The following ABCG1 variants were observed in gnomAD, a reference collection of about 807,000 sequenced individuals.
The protein encoded by ABCG1 is ATP binding cassette subfamily G member 1.
A neutral mutation model predicts 69.2 loss-of-function variants in ABCG1; 29 were observed. The ratio of observed to expected loss-of-function variants is 0.42; its 90% CI spans 0.31 to 0.57. ABCG1 has a LOEUF of 0.57. Ranked by LOEUF, ABCG1 falls within the 20% of genes least tolerant of loss-of-function variation. The pLI is 0.15. For synonymous variants in ABCG1, 370 were observed against 374.8 expected, an observed-to-expected ratio of 0.99 and a Z score of 0.15; for missense variants, 718 against 898.1, an observed-to-expected ratio of 0.80 and a Z score of 2.56.
chr21:42,291,370 G>C lies in ABCG1; in HGVS notation c.1495-128G>C. On this transcript the variant is annotated intron_variant, in intron 12 of 14. Transcript: ENST00000398449. The surrounding 1 kb of genome is among the most constrained non-coding windows in gnomAD (Gnocchi z 6.4). ...AGCTGTGGCGGGAGCTGTGGGGAGT[G>C]GGGAAGGACCCGACTTTGGGAGCTC... 1 of 1,340,888 alleles carries C rather than the reference G, an allele frequency of 7.5e-7. No homozygotes were observed. Among genetic ancestry groups the C allele is most frequent in the Non-Finnish European group, 1.0e-6 (1 of 971,794 alleles). The allele number at this position is 1,340,888 out of a possible 1,614,324, so 83.1% of individuals were successfully genotyped here.
chr21:42,256,472 G>C lies in ABCG1; in HGVS notation c.287-14598G>C. 5 of 1,549,964 alleles carry C rather than the reference G, an allele frequency of 3.2e-6. No individual in the cohort carries two copies. In the East Asian group the frequency reaches 7.3e-5, roughly 23 times the overall value. On this transcript the variant is annotated intron_variant, in intron 2 of 14. Coordinates refer to ENST00000398449, the MANE Select transcript of ABCG1 (RefSeq NM_016818.3). Reference sequence around the variant, plus strand: ...CGCAGAGTATCCACACCCTGGCTGGGTGTACTGGCTACAGATGGCTGTGGC... The same window carrying C: ...CGCAGAGTATCCACACCCTGGCTGGCTGTACTGGCTACAGATGGCTGTGGC...
chr21:42,249,575 C>G (rs908583357), intron 2 of ABCG1, among the ~76,000 whole-genome samples: 1 of 152,076 alleles, frequency 6.6e-6, no homozygotes, highest in Non-Finnish European at 1.5e-5. Context: ...TTAATGTATG[C>G]GAAAGCTTAG....
At chr21:42,284,843 T>A (rs1486172317) in intron 7 of ABCG1, among the ~76,000 whole-genome samples, 160 bp downstream of exon 7, 1 of 151,446 alleles carries the variant, frequency 6.6e-6, no homozygotes, top group Non-Finnish European at 1.5e-5. Flanking sequence ...TCATGGGGCA[T>A]CTTCATGACA....
intron 2 of ABCG1, among the ~76,000 whole-genome samples, chr21:42,233,309 A>G (rs1038270313): frequency 6.6e-6 from 1 of 152,178 alleles, no homozygotes; most frequent in Admixed American, 6.5e-5. Flanking sequence ...TTTAGAGTCC[A>G]AATCTTGGAG....
At chr21:42,215,492 T>C (rs2067630163), upstream of ABCG1, among the ~76,000 whole-genome samples, 2 of 152,210 alleles carry the variant, frequency 1.3e-5, no homozygotes, top group South Asian at 4.1e-4. Flanking sequence ...AACTGGGTGA[T>C]GCTGTTGGCT....
chr21:42,208,331 A>G (rs1176944740), intron 2 of ABCG1, among the ~76,000 whole-genome samples: 6 of 151,576 alleles, frequency 4.0e-5, no homozygotes, highest in Admixed American at 6.6e-5. Flanking sequence ...GGACCTCACC[A>G]CAGTGTGGCT....
In ABCG1 at chr21:42,271,149, C is replaced by A. The variant is rs140957193; in HGVS notation, c.366C>A (p.Ala122=). Residue 122 remains alanine (A), a synonymous_variant, in exon 3 of 15, where the codon GCC becomes GCA. Transcript: ENST00000398449. ...ELVAIMGPSG[A]GKSTLMNILA... is the part of the protein sequence containing the mutation. The stretch of plus-strand genomic sequence containing the variant: ...TGGCCATTATGGGTCCTTCCGGGGC[C>A]GGGAAGTCCACGCTGATGAACATCC... 5.7e-6 allele frequency: 9 copies of A among 1,577,832 alleles called. No homozygotes were observed. Among genetic ancestry groups the A allele is most frequent in the African/African-American group, 1.4e-5 (1 of 72,792 alleles).
At chr21:42,216,605 G>A (rs1181654711), upstream of ABCG1, among the ~76,000 whole-genome samples, 1 of 152,172 alleles carries the variant, frequency 6.6e-6, no homozygotes, top group Admixed American at 6.5e-5. Flanking sequence ...CCTGCCAGAG[G>A]GGAGACCACC....
chr21:42,266,995 T>G (rs972898071), intron 2 of ABCG1, among the ~76,000 whole-genome samples: 63 of 152,200 alleles, frequency 4.1e-4, no homozygotes, highest in Non-Finnish European at 9.3e-4. Flanking sequence ...TTTTTTGCCT[T>G]GATTAATTGA....
At position 42,271,058 on chromosome 21, in the gene ABCG1, GC is replaced by G; in HGVS notation, c.287-11del. 1 of 1,465,922 alleles carries G rather than the reference GC, an allele frequency of 6.8e-7. No homozygotes were observed. Among genetic ancestry groups the G allele is most frequent in the Non-Finnish European group, 9.1e-7 (1 of 1,100,098 alleles). The allele number at this position is 1,465,922 out of a possible 1,614,324, so 90.8% of individuals were successfully genotyped here. On this transcript the variant is annotated splice_polypyrimidine_tract_variant and intron_variant, in intron 2 of 14. Transcript: ENST00000398449. ...AATGAAATGAATATGAATATGATCT[GC>G]TTTTTTGCAGGATACAAGACCCTCC...
chr21:42,261,098 G>A (rs981577785), intron 2 of ABCG1, among the ~76,000 whole-genome samples: 2 of 152,102 alleles, frequency 1.3e-5, no homozygotes, highest in African/African-American at 4.8e-5. Flanking sequence ...TGGGATTACA[G>A]GCATGAGTCA....
Position 42,287,960 on chromosome 21 carries a change from T to C in ABCG1, c.1045T>C (p.Cys349Arg). The C allele has an allele frequency of 6.2e-7, 1 of 1,613,782 alleles. No individual in the cohort carries two copies. Among genetic ancestry groups the C allele is most frequent in the Non-Finnish European group, 8.5e-7 (1 of 1,179,786 alleles). ...RLVRAVREGM[C>R]DSDHKRDLGG... ...GGTGAGAGCGGTTCGGGAGGGCATG[T>C]GTGACTCAGACCACAAGAGAGACCT... The change falls in exon 9 of 15, where the codon TGT becomes CGT. Residue 349 changes from cysteine to arginine, a missense_variant. Transcript: ENST00000398449. This position sits in a 1 kb window ranked among gnomAD's most constrained non-coding sequence, Gnocchi z 6.2.
chr21:42,259,195 T>A (rs752554119), intron 2 of ABCG1: 24 of 1,415,784 alleles, frequency 1.7e-5, no homozygotes, highest in African/African-American at 2.9e-5. Context: ...GACATTGCGT[T>A]CCCAGATGTC....
At chr21:42,239,641 C>G (rs926682956) in intron 2 of ABCG1, among the ~76,000 whole-genome samples, 1 of 152,178 alleles carries the variant, frequency 6.6e-6, no homozygotes, top group African/African-American at 2.4e-5. Context: ...CTGTAAGTAG[C>G]AGAGCCAAGA....
intron 2 of ABCG1, among the ~76,000 whole-genome samples, chr21:42,264,672 G>A (rs1022761995): frequency 6.6e-6 from 1 of 152,108 alleles, no homozygotes; most frequent in Non-Finnish European, 1.5e-5. Flanking sequence ...GAGAGAAGGT[G>A]GAGAGAAAGA....
At chr21:42,270,386 C>T (rs2068594957) in intron 2 of ABCG1, among the ~76,000 whole-genome samples, 1 of 151,074 alleles carries the variant, frequency 6.6e-6, no homozygotes, top group Non-Finnish European at 1.5e-5. Flanking sequence ...TGTGGCTTTG[C>T]TTGGGATGTG....
intron 2 of ABCG1, among the ~76,000 whole-genome samples, chr21:42,245,911 G>A (rs1279961721): frequency 1.0e-5 from 1 of 99,400 alleles, no homozygotes; most frequent in South Asian, 3.0e-4. Context: ...GCAGCAGAAA[G>A]TGCTGACTCA....
intron 2 of ABCG1, chr21:42,256,483 A>C: frequency 6.5e-7 from 1 of 1,550,206 alleles, no homozygotes; most frequent in Non-Finnish European, 8.7e-7. Flanking sequence ...TGTACTGGCT[A>C]CAGATGGCTG....
At chr21:42,260,164 C>T (rs956207077) in intron 2 of ABCG1, 18 of 1,550,374 alleles carry the variant, frequency 1.2e-5, no homozygotes, top group African/African-American at 5.5e-5. Flanking sequence ...TGTTGCTTCT[C>T]GGGTGAAGCT....
Sources: gnomAD v4.1 joint callset for allele counts (sites outside exome capture counted in the v4.1 genomes callset) on GRCh38, gnomAD v4.1.1 for gene constraint, Gnocchi (gnomAD v3.1) non-coding constraint, MANE v1.5 for transcripts, NCBI Gene and HGNC (gene_info 2026-07-23, HGNC 2026-07-21) for gene names.